The following CACNA1E variants were observed in gnomAD, a reference collection of about 807,000 sequenced individuals.
CACNA1E encodes the protein calcium voltage-gated channel subunit alpha1 E.
Under a neutral mutation model 259.2 loss-of-function variants are expected in CACNA1E, and 40 were observed. The observed-to-expected ratio is 0.15, with a 90% CI of 0.12 to 0.20. The LOEUF (loss-of-function observed/expected upper bound fraction) is 0.20. Ranked by LOEUF, CACNA1E falls within the 10% of genes least tolerant of loss-of-function variation. CACNA1E has a pLI of 1.00. For missense variants in CACNA1E, 1,874 were observed against 3,040.1 expected, an observed-to-expected ratio of 0.62 and a Z score of 9.02; for synonymous variants, 1,104 against 1,138.5, an observed-to-expected ratio of 0.97 and a Z score of 0.61.
At position 181,630,732 on chromosome 1, in the gene CACNA1E, CACAG is replaced by C. The variant is rs548740072; in HGVS notation, c.952-20602_952-20599del. On this transcript the variant is annotated intron_variant, in intron 6 of 47. Transcript: ENST00000367573. ...AGGATTCAAGGCATAACAAATGATA[CACAG>C]ACAAGAAAAAAAGACATTTAGAGTG... Among the ~76,000 whole-genome samples the C allele has an allele frequency of 5.3e-4, 80 of 152,228 alleles. 1 individual carries two copies. The highest frequency in any genetic ancestry group is 1.8e-3 in the African/African-American group (74 of 41,554).
At chr1:181,505,550 T>A (rs1665637592) in intron 1 of CACNA1E, among the ~76,000 whole-genome samples, 1 of 152,058 alleles carries the variant, frequency 6.6e-6, no homozygotes, top group Non-Finnish European at 1.5e-5. Context: ...ATTTTGTATT[T>A]TTTTTAGTAG....
At chr1:181,557,354 G>A (rs1483158405) in intron 3 of CACNA1E, among the ~76,000 whole-genome samples, 3 of 152,194 alleles carry the variant, frequency 2.0e-5, no homozygotes, top group African/African-American at 7.2e-5. Flanking sequence ...TTTCTGTACA[G>A]CCTTTGTTTT....
intron 1 of CACNA1E, among the ~76,000 whole-genome samples, chr1:181,490,478 T>A (rs1263635496): frequency 6.7e-6 from 1 of 149,790 alleles, no homozygotes; most frequent in Non-Finnish European, 1.5e-5. Context: ...CCAGCTAGGC[T>A]CCAGCCACGC....
intron 7 of CACNA1E, among the ~76,000 whole-genome samples, chr1:181,678,153 C>T (rs1649563937): frequency 6.6e-6 from 1 of 152,176 alleles, no homozygotes; most frequent in Non-Finnish European, 1.5e-5. Flanking sequence ...TGAGTGGCCC[C>T]AGCATGAGGG....
rs1377426053 is a variant in CACNA1E, at chr1:181,758,139, C to T, written c.4494+28C>T. The T allele has an allele frequency of 5.6e-6, 9 of 1,604,106 alleles. 1 individual carries two copies. In the Admixed American group the frequency reaches 8.4e-5, roughly 15 times the overall value. ...GAGAGGAGAGAGGCACAAGAGCCGA[C>T]TGAGCCCCAGCGATGGTTCCCTCCC... is the stretch of plus-strand genomic sequence containing the variant. On this transcript the variant is annotated intron_variant, in intron 31 of 47. Coordinates refer to ENST00000367573, the MANE Select transcript of CACNA1E (RefSeq NM_001205293.3). This position sits in a 1 kb window ranked among gnomAD's most constrained non-coding sequence, Gnocchi z 4.2.
intron 1 of CACNA1E, among the ~76,000 whole-genome samples, chr1:181,389,010 G>A (rs1337296628): frequency 6.6e-6 from 1 of 152,124 alleles, no homozygotes; most frequent in Non-Finnish European, 1.5e-5. Context: ...GTGAGCTTCT[G>A]CTTACAACAT....
chr1:181,517,923 G>A (rs1201039422), intron 3 of CACNA1E, among the ~76,000 whole-genome samples: 1 of 152,114 alleles, frequency 6.6e-6, no homozygotes, highest in East Asian at 1.9e-4. Flanking sequence ...GCAGTCCTCA[G>A]GCCCCCAGCC....
intron 27 of CACNA1E, among the ~76,000 whole-genome samples, chr1:181,752,521 G>T (rs1657685816): frequency 6.6e-6 from 1 of 152,158 alleles, no homozygotes; most frequent in Non-Finnish European, 1.5e-5. Context: ...GTGTGGCTTT[G>T]TCCTGGGGCC....
chr1:181,460,295 C>T (rs1200101741), intron 2 of CACNA1E, among the ~76,000 whole-genome samples: 1 of 152,116 alleles, frequency 6.6e-6, no homozygotes, highest in African/African-American at 2.4e-5. Flanking sequence ...GAGCAGTGGG[C>T]AGGCTACTAT....
intron 2 of CACNA1E, among the ~76,000 whole-genome samples, chr1:181,478,399 G>C (rs576056026): frequency 6.6e-6 from 1 of 152,324 alleles, no homozygotes; most frequent in South Asian, 2.1e-4. Flanking sequence ...GAGGTATTGT[G>C]AAAGCCACCA....
In CACNA1E at chr1:181,798,862, C is replaced by T; in HGVS notation, c.*28C>T. 5 of 1,483,568 alleles carry T rather than the reference C, an allele frequency of 3.4e-6. No homozygotes were observed. Among genetic ancestry groups the T allele is most frequent in the Non-Finnish European group, 4.5e-6 (5 of 1,120,724 alleles). The allele number at this position is 1,483,568 out of a possible 1,614,324, so 91.9% of individuals were successfully genotyped here. ...GCTGCTCCCCCCTCCGATGCATGCT[C>T]TTCTCTCACATGGAGAAAACCAAGA... On this transcript the variant is annotated 3_prime_UTR_variant, in exon 48 of 48. Transcript: ENST00000367573. This position sits in a 1 kb window ranked among gnomAD's most constrained non-coding sequence, Gnocchi z 4.2.
chr1:181,649,838 T>C (rs543569887), intron 6 of CACNA1E, among the ~76,000 whole-genome samples: 16 of 152,014 alleles, frequency 1.1e-4, no homozygotes, highest in African/African-American at 3.9e-4. Flanking sequence ...AACAACACAC[T>C]GGAGTCTTTT....
intron 27 of CACNA1E, among the ~76,000 whole-genome samples, chr1:181,753,668 C>T (rs1389942825): frequency 6.6e-6 from 1 of 152,158 alleles, no homozygotes; most frequent in African/African-American, 2.4e-5. Flanking sequence ...GCACTTGGCT[C>T]TCCCTTGCTT....
intron 1 of CACNA1E, among the ~76,000 whole-genome samples, chr1:181,393,423 T>C (rs1022368728): frequency 2.0e-5 from 3 of 152,188 alleles, no homozygotes; most frequent in Non-Finnish European, 4.4e-5. Flanking sequence ...CTTCAAGGCT[T>C]TGAGGATGGA....
intron 26 of CACNA1E, 36 bp downstream of exon 26, chr1:181,750,523 C>T: frequency 6.2e-7 from 1 of 1,603,650 alleles, no homozygotes. Flanking sequence ...GTAAACGATA[C>T]AAGGAATGAG....
intron 6 of CACNA1E, among the ~76,000 whole-genome samples, chr1:181,647,605 C>T (rs184025151): frequency 2.0e-5 from 3 of 152,278 alleles, no homozygotes; most frequent in African/African-American, 7.2e-5. Flanking sequence ...CTTGAGTTGT[C>T]GGTTGCTGCT....
intron 6 of CACNA1E, among the ~76,000 whole-genome samples, chr1:181,636,126 C>T (rs1263511063): frequency 6.6e-6 from 1 of 152,170 alleles, no homozygotes. Context: ...GGGAACTGAG[C>T]TTAACCTATT....
At position 181,351,149 on chromosome 1, in the gene CACNA1E, C is replaced by T. The variant is rs1183921441; in HGVS notation, c.-15+33026C>T. On this transcript the variant is annotated intron_variant, in intron 1 of 11. Transcript: ENST00000524607. ...TGTAGGAGCAGGATTGCAGATAGAG[C>T]CAGTGGCTGGGGCTGGGAATACCTT... Among the ~76,000 whole-genome samples, 6 of 152,250 alleles carry T rather than the reference C, an allele frequency of 3.9e-5. No individual in the cohort carries two copies. The East Asian group carries it at 1.2e-3, about 30-fold the overall frequency.
intron 6 of CACNA1E, among the ~76,000 whole-genome samples, chr1:181,607,849 C>T (rs1246769681): frequency 6.6e-6 from 1 of 152,032 alleles, no homozygotes; most frequent in Non-Finnish European, 1.5e-5. Context: ...AGCATCCTGG[C>T]AGGAAATGGA....
Sources: allele counts gnomAD v4.1 joint callset (sites outside exome capture counted in the v4.1 genomes callset), GRCh38; gene constraint gnomAD v4.1.1; non-coding constraint Gnocchi (gnomAD v3.1); transcripts MANE v1.5; gene names NCBI Gene and HGNC (gene_info 2026-07-23, HGNC 2026-07-21).